Variants in REM2 observed in about 807,000 individuals in gnomAD.
REM2 encodes RRAD and GEM like GTPase 2, also known as GTP-binding protein REM 2.
A neutral mutation model predicts 24.4 loss-of-function variants in REM2; 24 were observed. That is an observed-to-expected ratio of 0.98 (90% CI 0.71 to 1.38). The LOEUF (loss-of-function observed/expected upper bound fraction) is 1.38, where lower values mean the gene tolerates loss of function less well. Ranked by LOEUF, REM2 falls within the 40% of genes most tolerant of loss-of-function variation. The pLI is 0.00. For synonymous variants in REM2, 187 were observed against 198.0 expected (o/e 0.94, Z 0.47); for missense variants, 429 against 467.8 (o/e 0.92, Z 0.77).
intron 2 of REM2, 74 bp from the exon 3 acceptor site, chr14:22,885,192 C>G: frequency 1.4e-6 from 2 of 1,436,370 alleles, no homozygotes; most frequent in Non-Finnish European, 2.0e-6. Flanking sequence ...TCTGAGGTGT[C>G]CCTGGTTACC....
At chr14:22,885,117 G>A in intron 2 of REM2, 102 bp downstream of exon 2, 1 of 1,410,460 alleles carries the variant, frequency 7.1e-7, no homozygotes, top group Non-Finnish European at 9.6e-7. Context: ...GAGCTTAACA[G>A]AAGCTTTTCC....
chr14:22,884,283 C>T (rs886246494), intron 1 of REM2: 3 of 985,440 alleles, frequency 3.0e-6, no homozygotes, highest in African/African-American at 1.7e-5. Flanking sequence ...GGAAGGGCCT[C>T]TTGATGGAAA....
intron 1 of REM2, 129 bp downstream of exon 1, chr14:22,883,519 A>C: frequency 1.3e-6 from 1 of 798,730 alleles, no homozygotes; most frequent in Non-Finnish European, 2.0e-6. Flanking sequence ...GCAATTGAGA[A>C]AGTGGAGAAG....
intron 2 of REM2, 55 bp from the exon 3 acceptor site, chr14:22,885,211 C>T: frequency 6.5e-7 from 1 of 1,539,334 alleles, no homozygotes; most frequent in Non-Finnish European, 9.0e-7. Flanking sequence ...CCAGGTCTCA[C>T]AAATGTTGGG....
At position 22,886,827 on chromosome 14, in the gene REM2, G is replaced by A. The variant is rs772787398; in HGVS notation, c.941G>A (p.Arg314Lys). The A allele has an allele frequency of 2.8e-5, 43 of 1,548,672 alleles. No individual in the cohort carries two copies. Among genetic ancestry groups the A allele is most frequent in the East Asian group, 9.8e-5 (4 of 40,718 alleles). The change falls in exon 5 of 5, where the codon AGG (arginine) becomes AAG (lysine). Residue 314 changes from arginine to lysine, a missense_variant. Coordinates refer to ENST00000267396, the MANE Select transcript of REM2 (RefSeq NM_173527.3). This position sits in a 1 kb window ranked among gnomAD's most constrained non-coding sequence, Gnocchi z 5.9. ...GAGAGCCTCACCAAGAAAGCCAAGAGGTTCCTCGCCAACCTGGTGCCGCGC... is the reference window on the plus strand; with the variant it reads ...GAGAGCCTCACCAAGAAAGCCAAGAAGTTCCTCGCCAACCTGGTGCCGCGC... ...RRESLTKKAK[R>K]FLANLVPRNA...
At chr14:22,884,157 T>C (rs776424599) in intron 1 of REM2, 7 of 985,068 alleles carry the variant, frequency 7.1e-6, no homozygotes, top group Non-Finnish European at 8.4e-6. Flanking sequence ...AGGAAGAAGC[T>C]CACTACAAAG....
chr14:22,886,808 C>G lies in REM2; in HGVS notation c.922C>G (p.Leu308Val). 2 of 1,549,276 alleles carry G rather than the reference C, an allele frequency of 1.3e-6. No individual in the cohort carries two copies. The highest frequency in any genetic ancestry group is 1.7e-6 in the Non-Finnish European group (2 of 1,146,420). ...TGCGCCACCTGCACGCCGCGAGAGC[C>G]TCACCAAGAAAGCCAAGAGGTTCCT... is the stretch of plus-strand genomic sequence containing the variant. ...GPAPPARRES[L>V]TKKAKRFLAN... The change falls in exon 5 of 5, where the codon CTC becomes GTC. Residue 308 changes from leucine to valine, a missense_variant. Physicochemically the swap from Leu to Val is conservative, Grantham distance 32 (BLOSUM62 1). Transcript: ENST00000267396. The surrounding 1 kb of genome is among the most constrained non-coding windows in gnomAD (Gnocchi z 5.9).
At position 22,886,286 on chromosome 14, in the gene REM2, C is replaced by T. The variant is rs749013960; in HGVS notation, c.727+55C>T. ...CGATCTCAGGGGAATGCTCTCCCTT[C>T]CAAGTCACCTCTTCTCCCTAAGGCC... is the stretch of plus-strand genomic sequence containing the variant. On this transcript the variant is annotated intron_variant, in intron 4 of 4. Coordinates refer to ENST00000267396, the MANE Select transcript of REM2 (RefSeq NM_173527.3). The surrounding 1 kb of genome is among the most constrained non-coding windows in gnomAD (Gnocchi z 5.9). 8 of 1,476,580 alleles carry T rather than the reference C, an allele frequency of 5.4e-6. No individual in the cohort carries two copies. The African/African-American group carries it at 9.8e-5, about 18-fold the overall frequency. 91.5% of individuals were successfully genotyped at this position (1,476,580 alleles called of 1,614,324 possible).
rs759878174 is a variant in REM2, at chr14:22,884,834, G to C, written c.264G>C (p.Trp88Cys). ...CCCAGGCTGTAGATGAACTTGACTG[G>C]CCACCTCAGGCCTCATCCTCTGGCT... ...RRAQAVDELD[W>C]PPQASSSGSS... Residue 88 changes from tryptophan (W) to cysteine (C), a missense_variant, in exon 2 of 5, where the codon TGG becomes TGC. Physicochemically the swap from Trp to Cys is radical, Grantham distance 215 (BLOSUM62 -2). Transcript: ENST00000267396. The C allele has an allele frequency of 5.0e-6, 8 of 1,614,018 alleles. No individual in the cohort carries two copies. Among genetic ancestry groups the C allele is most frequent in the Admixed American group, 3.3e-5 (2 of 60,030 alleles).
rs1487359286 is a variant in REM2, at chr14:22,885,319, G to A, written c.499G>A (p.Val167Ile). ...MVDKEEVTLV[V>I]YDIWEQGDAG... ...GGATAAGGAGGAAGTGACTCTAGTC[G>A]TTTATGACATCTGGGAACAGGTGAG... The change falls in exon 3 of 5, where the codon GTT (valine) becomes ATT (isoleucine). Residue 167 changes from valine (V) to isoleucine (I), a missense_variant. Physicochemically the swap from Val to Ile is conservative, Grantham distance 29 (BLOSUM62 3). Transcript: ENST00000267396. 8 of 1,613,186 alleles carry A rather than the reference G, an allele frequency of 5.0e-6. No individual in the cohort carries two copies. The highest frequency in any genetic ancestry group is 1.7e-5 in the Admixed American group (1 of 60,000).
In REM2 at chr14:22,887,024, A is replaced by C; in HGVS notation, c.*115A>C. 1 of 994,358 alleles carries C rather than the reference A, an allele frequency of 1.0e-6. No homozygotes were observed. Among genetic ancestry groups the C allele is most frequent in the Non-Finnish European group, 1.4e-6 (1 of 724,952 alleles). The allele number at this position is 994,358 out of a possible 1,614,324, so 61.6% of individuals were successfully genotyped here. ...TTGGTGGAGGCCGTCTAGGAAACCAAAAACTCCCAGGATGCCCCGGTGTGA... is the reference window on the plus strand; with the variant it reads ...TTGGTGGAGGCCGTCTAGGAAACCACAAACTCCCAGGATGCCCCGGTGTGA... On this transcript the variant is annotated 3_prime_UTR_variant, in exon 5 of 5. Transcript: ENST00000267396.
chr14:22,886,318 C>A lies in REM2; in HGVS notation c.727+87C>A. On this transcript the variant is annotated intron_variant, in intron 4 of 4. Transcript: ENST00000267396. This position sits in a 1 kb window ranked among gnomAD's most constrained non-coding sequence, Gnocchi z 5.9. ...ACCTCTTCTCCCTAAGGCCTTTTTA[C>A]CATCGCGGACGCACTCACTTGCAAT... 8.1e-7 allele frequency: 1 copy of A among 1,228,434 alleles called. No homozygotes were observed. Among genetic ancestry groups the A allele is most frequent in the Non-Finnish European group, 1.2e-6 (1 of 856,306 alleles). 76.1% of individuals were successfully genotyped at this position (1,228,434 alleles called of 1,614,324 possible).
intron 1 of REM2, 110 bp from the exon 2 acceptor site, chr14:22,884,564 G>A: frequency 2.1e-6 from 3 of 1,452,738 alleles, no homozygotes; most frequent in East Asian, 2.5e-5. Flanking sequence ...GTCATCAAGT[G>A]GGTGTAGCTG....
rs1381419403 is a variant in REM2 at position 22,886,957 on chromosome 14, C to T, written c.*48C>T. ...CGGTCGCCATGGTCACCGCGCCCTC[C>T]GCTCGCCCCCCCTCGCCCCGCCCCG... is the stretch of plus-strand genomic sequence containing the variant. On this transcript the variant is annotated 3_prime_UTR_variant, in exon 5 of 5. Transcript: ENST00000267396. This position sits in a 1 kb window ranked among gnomAD's most constrained non-coding sequence, Gnocchi z 5.9. 4 of 1,350,270 alleles carry T rather than the reference C, an allele frequency of 3.0e-6. No homozygotes were observed. In the South Asian group the frequency reaches 6.8e-5, roughly 23 times the overall value. The allele number at this position is 1,350,270 out of a possible 1,614,324, so 83.6% of individuals were successfully genotyped here.
Position 22,887,124 on chromosome 14 carries a change from T to A in REM2, c.*215T>A, listed in dbSNP as rs1028141336. Reference sequence around the variant, plus strand: ...AACGCGTTCTCTGGAGCTTTGGGCCTCAGGGCGCCTAGAAGGCGAGGACGC... The same window carrying A: ...AACGCGTTCTCTGGAGCTTTGGGCCACAGGGCGCCTAGAAGGCGAGGACGC... On this transcript the variant is annotated 3_prime_UTR_variant, in exon 5 of 5. Transcript: ENST00000267396. 10 of 412,890 alleles carry A rather than the reference T, an allele frequency of 2.4e-5. No individual in the cohort carries two copies. In the Middle Eastern group the frequency reaches 1.8e-3, roughly 75 times the overall value. 25.6% of individuals were successfully genotyped at this position (412,890 alleles called of 1,614,324 possible).
At chr14:22,884,524 C>T in intron 1 of REM2, 150 bp from the exon 2 acceptor site, 7 of 1,430,972 alleles carry the variant, frequency 4.9e-6, no homozygotes, top group Non-Finnish European at 6.4e-6. Context: ...AGAGGTCAGG[C>T]CAGACATTCT....
Position 22,886,194 on chromosome 14 carries a change from G to A in REM2, c.690G>A (p.Lys230=), listed in dbSNP as rs1320919867. The change falls in exon 4 of 5, where the codon AAG becomes AAA. Residue 230 remains lysine, a synonymous_variant. Coordinates refer to ENST00000267396, the MANE Select transcript of REM2 (RefSeq NM_173527.3). This position sits in a 1 kb window ranked among gnomAD's most constrained non-coding sequence, Gnocchi z 5.9. The part of the protein sequence containing the change: ...HDLPVILVGN[K]SDLARSREVS... ...TACCCGTTATCCTCGTTGGAAACAA[G>A]AGCGACTTGGCCCGCTCCCGGGAGG... 4.3e-6 allele frequency: 7 copies of A among 1,613,862 alleles called. No individual in the cohort carries two copies. The East Asian group carries it at 1.3e-4, about 31-fold the overall frequency.
At position 22,886,424 on chromosome 14, in the gene REM2, C is replaced by G; in HGVS notation, c.728-190C>G. 1 of 709,336 alleles carries G rather than the reference C, an allele frequency of 1.4e-6. No homozygotes were observed. 43.9% of individuals were successfully genotyped at this position (709,336 alleles called of 1,614,324 possible). ...CTTCTTGTCACTTCCCCTCACCTCT[C>G]TCCTAGGCCTCCTTCTCCCTCTCCT... On this transcript the variant is annotated intron_variant, in intron 4 of 4. Coordinates refer to ENST00000267396, the MANE Select transcript of REM2 (RefSeq NM_173527.3). The surrounding 1 kb of genome is among the most constrained non-coding windows in gnomAD (Gnocchi z 5.9).
At chr14:22,885,075 G>C in intron 2 of REM2, 60 bp downstream of exon 2, 1 of 1,490,498 alleles carries the variant, frequency 6.7e-7, no homozygotes, top group Non-Finnish European at 9.0e-7. Flanking sequence ...AGGGAAGGAA[G>C]TGCTCGTGAC....
Sources: allele counts gnomAD v4.1 joint callset, GRCh38; gene constraint gnomAD v4.1.1; non-coding constraint Gnocchi (gnomAD v3.1); transcripts MANE v1.5; gene names NCBI Gene and HGNC (gene_info 2026-07-23, HGNC 2026-07-21).